The following TMX3 variants were observed in gnomAD, a reference collection of about 807,000 sequenced individuals.
TMX3 encodes protein disulfide-isomerase TMX3.
Under a neutral mutation model 64.4 loss-of-function variants are expected in TMX3, and 40 were observed. The ratio of observed to expected loss-of-function variants is 0.62; its 90% CI spans 0.48 to 0.81. The LOEUF (loss-of-function observed/expected upper bound fraction) is 0.81, where lower values mean the gene tolerates loss of function less well. Among genes scored for constraint, TMX3 ranks in the 30% least tolerant of loss-of-function variants. The probability of loss-of-function intolerance (pLI) is 0.00; values close to 1 mark genes in which losing one functional copy is unlikely to be tolerated. For synonymous variants in TMX3, 189 were observed against 175.7 expected (o/e 1.08, Z -0.60); for missense variants, 497 against 534.5 (o/e 0.93, Z 0.69).
intron 8 of TMX3, among the ~76,000 whole-genome samples, chr18:68,696,487 A>AT (rs1437935572): frequency 1.4e-5 from 2 of 141,224 alleles, no homozygotes; most frequent in East Asian, 2.2e-4. Flanking sequence ...TATTATTACT[A>AT]TTTTTTTGAG....
chr18:68,678,327 G>A (rs1447317193), intron 15 of TMX3, among the ~76,000 whole-genome samples: 1 of 152,128 alleles, frequency 6.6e-6, no homozygotes, highest in African/African-American at 2.4e-5. Context: ...AGGACAACAG[G>A]AACTAAGTTT....
intron 10 of TMX3, among the ~76,000 whole-genome samples, chr18:68,685,077 A>C (rs1450042952): frequency 6.6e-6 from 1 of 152,224 alleles, no homozygotes; most frequent in African/African-American, 2.4e-5. Flanking sequence ...GCATGATGTA[A>C]TAACCAGAAG....
chr18:68,711,067 C>T (rs2031222061), intron 3 of TMX3, among the ~76,000 whole-genome samples: 1 of 152,074 alleles, frequency 6.6e-6, no homozygotes, highest in African/African-American at 2.4e-5. Flanking sequence ...TAAAATCATA[C>T]CCTATATCAT....
chr18:68,700,334 A>G (rs965919917), intron 6 of TMX3, 71 bp downstream of exon 6: 10 of 1,066,394 alleles, frequency 9.4e-6, no homozygotes, highest in Non-Finnish European at 1.3e-5. Flanking sequence ...TTTGTTCAAT[A>G]CAGTCTATTA....
At chr18:68,712,142 G>A (rs1034808104) in intron 2 of TMX3, among the ~76,000 whole-genome samples, 1 of 152,182 alleles carries the variant, frequency 6.6e-6, no homozygotes, top group African/African-American at 2.4e-5. Context: ...AGGTGGTCTT[G>A]TAGGGCCTAG....
At chr18:68,683,961 T>C (rs1366170251) in intron 12 of TMX3, among the ~76,000 whole-genome samples, 1 of 152,184 alleles carries the variant, frequency 6.6e-6, no homozygotes, top group Non-Finnish European at 1.5e-5. Context: ...CATAAGTATG[T>C]AGGTACAGAC....
rs1912988442 is a variant in TMX3, at chr18:68,677,037, C to G, written c.1261G>C (p.Glu421Gln). The change falls in exon 16 of 16, where the codon GAA becomes CAA. Residue 421 changes from glutamate to glutamine, a missense_variant. Around this residue, in one of 3 missense-constraint regions of TMX3, gnomAD observed 94 missense variants for 75.8 expected, o/e 1.24. Transcript: ENST00000299608. ...EVSKSENENQ[E>Q]QIEESKEQQE... ...TGTTCTTTGCTCTCTTCTATCTGTT[C>G]TTGGTTTTCATTTTCACTTTTAGAC... 6.2e-7 allele frequency: 1 copy of G among 1,613,780 alleles called. No individual in the cohort carries two copies. The highest frequency in any genetic ancestry group is 8.5e-7 in the Non-Finnish European group (1 of 1,179,796).
At chr18:68,678,380 T>C (rs1180854215) in intron 15 of TMX3, among the ~76,000 whole-genome samples, 1 of 152,038 alleles carries the variant, frequency 6.6e-6, no homozygotes, top group African/African-American at 2.4e-5. Context: ...GTCAAGTTGA[T>C]TGACAGTTAA....
At chr18:68,685,350 T>C (rs993478575) in intron 10 of TMX3, among the ~76,000 whole-genome samples, 1 of 152,238 alleles carries the variant, frequency 6.6e-6, no homozygotes, top group Non-Finnish European at 1.5e-5. Flanking sequence ...TGCATTTTAA[T>C]GCTGCTTCTA....
intron 10 of TMX3, chr18:68,686,700 C>T (rs1313311603): frequency 1.0e-6 from 1 of 976,014 alleles, no homozygotes; most frequent in Non-Finnish European, 1.2e-6. Context: ...AGAGAGACTC[C>T]ATCTCAAAAA....
At chr18:68,696,989 A>G (rs188013832) in intron 8 of TMX3, 42 of 324,402 alleles carry the variant, frequency 1.3e-4, no homozygotes, top group African/African-American at 6.3e-4. Flanking sequence ...AAAAAACAAG[A>G]AGCACTAATG....
At chr18:68,704,208 A>T (rs1269205723) in intron 4 of TMX3, among the ~76,000 whole-genome samples, 1 of 152,154 alleles carries the variant, frequency 6.6e-6, no homozygotes, top group African/African-American at 2.4e-5. Flanking sequence ...CTTGATCCTG[A>T]CTTCATTAAT....
At chr18:68,702,950 G>A (rs1488797850) in intron 4 of TMX3, among the ~76,000 whole-genome samples, 1 of 152,172 alleles carries the variant, frequency 6.6e-6, no homozygotes, top group Non-Finnish European at 1.5e-5. Context: ...CTTCCTAAGA[G>A]GTAGCATAAA....
chr18:68,714,001 A>G, intron 1 of TMX3, 101 bp from the exon 2 acceptor site: 1 of 687,276 alleles, frequency 1.5e-6, no homozygotes, highest in Non-Finnish European at 2.3e-6. Flanking sequence ...TTCACAACCT[A>G]CCAAAAAATT....
intron 9 of TMX3, chr18:68,688,372 A>C (rs1003210210): frequency 2.0e-5 from 3 of 152,216 alleles, no homozygotes; most frequent in African/African-American, 7.2e-5. Context: ...ATAGTACCTT[A>C]GCTTTTTTCC....
intron 5 of TMX3, chr18:68,701,506 A>C (rs2030056011): frequency 1.3e-6 from 1 of 759,192 alleles, no homozygotes; most frequent in Non-Finnish European, 2.0e-6. Context: ...CTTGTCCTGC[A>C]CAGTGCGTGT....
In TMX3 at chr18:68,673,751, A is replaced by G. The variant is rs1471094848; in HGVS notation, c.*3182T>C. On this transcript the variant is annotated 3_prime_UTR_variant, in exon 16 of 16. Transcript: ENST00000299608. ...GTTTACAATTTGTGCCATAGGCAGA[A>G]TATCATGAATTCAACAAGTTAGTAA... 6.6e-6 allele frequency: 1 copy of G among 152,242 alleles called. No homozygotes were observed. Among genetic ancestry groups the G allele is most frequent in the East Asian group, 1.9e-4 (1 of 5,202 alleles). The allele number at this position is 152,242 out of a possible 1,614,324, so 9.4% of individuals were successfully genotyped here.
chr18:68,691,551 T>C (rs530559521), intron 8 of TMX3, among the ~76,000 whole-genome samples, 190 bp from the exon 9 acceptor site: 1 of 152,354 alleles, frequency 6.6e-6, no homozygotes, highest in East Asian at 1.9e-4. Context: ...TCTTTTTATA[T>C]ATCCCCTTGT....
Position 68,677,171 on chromosome 18 carries a change from A to G in TMX3, c.1127T>C (p.Leu376Pro). The change falls in exon 16 of 16, where the codon CTG becomes CCG. Residue 376 changes from leucine (L) to proline (P), a missense_variant. Physicochemically the swap from Leu to Pro is moderately conservative, Grantham distance 98. Coordinates refer to ENST00000299608, the MANE Select transcript of TMX3 (RefSeq NM_019022.5). ...CAGGCCAAAGAGAAAGCAGCCCATC[A>G]GTGGTGAGCTCTTGAATATAGACTG... Reference protein sequence around the residue: ...TIVSIFKSSPLMGCFLFGLPL... With the variant: ...TIVSIFKSSPPMGCFLFGLPL... 1 of 1,613,670 alleles carries G rather than the reference A, an allele frequency of 6.2e-7. No individual in the cohort carries two copies. The highest frequency in any genetic ancestry group is 2.2e-5 in the East Asian group (1 of 44,884).
Sources: allele counts gnomAD v4.1 joint callset (sites outside exome capture counted in the v4.1 genomes callset), GRCh38; gene constraint gnomAD v4.1.1; regional missense constraint gnomAD v4.1.1; transcripts MANE v1.5; gene names NCBI Gene and HGNC (gene_info 2026-07-23, HGNC 2026-07-21).